CCDC158: variants seen among roughly 807,000 people sequenced by gnomAD.
CCDC158 encodes coiled-coil domain-containing protein 158.
CCDC158 carries 116 observed loss-of-function variants against 138.6 expected under a neutral mutation model. The observed-to-expected ratio is 0.84, with a 90% confidence interval of 0.72 to 0.98. CCDC158 has a LOEUF of 0.98. CCDC158 is among the 50% of genes least tolerant of loss of function. CCDC158 has a pLI of 0.00. For missense variants in CCDC158, 1,265 were observed against 1,306.1 expected (o/e 0.97, Z 0.48); for synonymous variants, 436 against 442.4 (o/e 0.99, Z 0.18).
chr4:76,413,547 G>C (rs1008342738), intron 1 of CCDC158, among the ~76,000 whole-genome samples: 11 of 151,766 alleles, frequency 7.2e-5, no homozygotes, highest in African/African-American at 2.2e-4. Context: ...ATGAATGGAA[G>C]TAAAGAGAGA....
At chr4:76,400,704 T>A (rs1395847818) in intron 3 of CCDC158, among the ~76,000 whole-genome samples, 1 of 149,526 alleles carries the variant, frequency 6.7e-6, no homozygotes, top group African/African-American at 2.5e-5. Context: ...CAGCATCCAA[T>A]TGAGATAAGA....
chr4:76,406,622 C>T (rs1728848407), intron 2 of CCDC158, among the ~76,000 whole-genome samples: 2 of 152,012 alleles, frequency 1.3e-5, no homozygotes, highest in African/African-American at 2.4e-5. Flanking sequence ...AGAAATGTTA[C>T]AAACAACACC....
At chr4:76,417,742 G>T (rs1167631795) in intron 1 of CCDC158, among the ~76,000 whole-genome samples, 1 of 152,166 alleles carries the variant, frequency 6.6e-6, no homozygotes, top group Non-Finnish European at 1.5e-5. Context: ...TAGGGTAGGT[G>T]AGGGAAGGCC....
chr4:76,375,663 T>G, intron 9 of CCDC158: 1 of 700,308 alleles, frequency 1.4e-6, no homozygotes, highest in Non-Finnish European at 2.6e-6. Context: ...AGTGACAGCT[T>G]CTACTGGTCC....
At chr4:76,349,759 C>T (rs1367033085) in intron 18 of CCDC158, among the ~76,000 whole-genome samples, 1 of 152,104 alleles carries the variant, frequency 6.6e-6, no homozygotes, top group Non-Finnish European at 1.5e-5. Flanking sequence ...TGATGGATGC[C>T]ATTCTTAATA....
At chr4:76,316,029 A>G (rs1488779256) in intron 24 of CCDC158, among the ~76,000 whole-genome samples, 1 of 152,236 alleles carries the variant, frequency 6.6e-6, no homozygotes, top group African/African-American at 2.4e-5. Context: ...CAGAAAAGCG[A>G]TTCTGGAAAT....
At chr4:76,361,532 A>C (rs917024212) in intron 13 of CCDC158, among the ~76,000 whole-genome samples, 2 of 152,230 alleles carry the variant, frequency 1.3e-5, no homozygotes, top group African/African-American at 4.8e-5. Context: ...ACTGCACTCC[A>C]ACCTGGTGGA....
intron 8 of CCDC158, among the ~76,000 whole-genome samples, chr4:76,381,350 GGAGCCCTGCCTT>G (rs1208980578): frequency 1.3e-5 from 2 of 152,234 alleles, no homozygotes; most frequent in Non-Finnish European, 2.9e-5. Flanking sequence ...CAACGCCTTG[GGAGCCCTGCCTT>G]GCATCAGTGT....
chr4:76,344,817 C>T (rs755237123), intron 18 of CCDC158: 1 of 1,601,168 alleles, frequency 6.2e-7, no homozygotes, highest in Non-Finnish European at 8.6e-7. Flanking sequence ...AGAGAAGATG[C>T]AGAAACCGGG....
intron 14 of CCDC158, among the ~76,000 whole-genome samples, chr4:76,357,089 T>G (rs956075291): frequency 2.0e-5 from 3 of 152,218 alleles, no homozygotes; most frequent in African/African-American, 7.2e-5. Context: ...TTAAAAATAA[T>G]TACTTGACGT....
intron 17 of CCDC158, 107 bp downstream of exon 17, chr4:76,351,613 A>AATGTTGAAATATACTTGAATGTGTATCT (rs1458646106): frequency 3.0e-6 from 2 of 670,960 alleles, no homozygotes; most frequent in African/African-American, 3.6e-5. Context: ...AGTATCAAGT[A>AATGTTGAAATATACTTGAATGTGTATCT]ATGTTGAAAT....
At chr4:76,347,193 T>A (rs1242743001) in intron 18 of CCDC158, among the ~76,000 whole-genome samples, 1 of 152,168 alleles carries the variant, frequency 6.6e-6, no homozygotes, top group Non-Finnish European at 1.5e-5. Context: ...ACCCAAAGGA[T>A]CATAAATCAT....
intron 24 of CCDC158, among the ~76,000 whole-genome samples, chr4:76,319,432 CAAAAAAAAAAAAAAAA>C (rs71659321): frequency 4.6e-4 from 11 of 23,938 alleles, no homozygotes; most frequent in African/African-American, 1.6e-3. Context: ...GACTCCGTAT[CAAAAAAAAAAAAAAAA>C]AAAAAAAAAA....
At chr4:76,381,210 T>A (rs1029875944) in intron 8 of CCDC158, among the ~76,000 whole-genome samples, 4 of 152,148 alleles carry the variant, frequency 2.6e-5, no homozygotes, top group Admixed American at 2.0e-4. Context: ...GCCACTACCC[T>A]CCAGACCCCA....
chr4:76,377,545 A>C (rs1242950587), intron 9 of CCDC158, among the ~76,000 whole-genome samples: 1 of 152,164 alleles, frequency 6.6e-6, no homozygotes, highest in Non-Finnish European at 1.5e-5. Flanking sequence ...TGTTGTCTGC[A>C]GGGTGCGGTC....
intron 24 of CCDC158, among the ~76,000 whole-genome samples, chr4:76,322,978 A>C (rs1055159423): frequency 6.6e-6 from 1 of 152,120 alleles, no homozygotes; most frequent in African/African-American, 2.4e-5. Context: ...TTATCTATAG[A>C]CCTAATAGCA....
At chr4:76,365,965 G>T (rs1469905725) in intron 12 of CCDC158, among the ~76,000 whole-genome samples, 5 of 152,174 alleles carry the variant, frequency 3.3e-5, no homozygotes, top group Non-Finnish European at 7.3e-5. Flanking sequence ...AACTCTCTGT[G>T]TCTCAGTTTC....
chr4:76,410,064 G>C (rs1729172921), intron 2 of CCDC158, among the ~76,000 whole-genome samples: 1 of 152,102 alleles, frequency 6.6e-6, no homozygotes, highest in Non-Finnish European at 1.5e-5. Context: ...GAAAGGCCCT[G>C]GTGGATGTGC....
At chr4:76,406,650 T>G (rs1728851001) in intron 2 of CCDC158, among the ~76,000 whole-genome samples, 1 of 152,048 alleles carries the variant, frequency 6.6e-6, no homozygotes, top group Admixed American at 6.6e-5. Context: ...CACAGTATAA[T>G]AAAGCTAAAA....
Sources: allele counts gnomAD v4.1 joint callset (sites outside exome capture counted in the v4.1 genomes callset), GRCh38; gene constraint gnomAD v4.1.1; transcripts MANE v1.5; gene names NCBI Gene and HGNC (gene_info 2026-07-23, HGNC 2026-07-21).